Variants in PRMT3 observed in about 807,000 individuals in gnomAD.
PRMT3 encodes protein arginine methyltransferase 3.
Under a neutral mutation model 71.9 loss-of-function variants are expected in PRMT3, and 62 were observed. The ratio of observed to expected loss-of-function variants is 0.86; its 90% CI spans 0.70 to 1.07. The LOEUF (loss-of-function observed/expected upper bound fraction) is 1.07. Ranked by LOEUF, PRMT3 falls within the 50% of genes least tolerant of loss-of-function variation. The probability of loss-of-function intolerance (pLI) is 0.00; values close to 1 mark genes in which losing one functional copy is unlikely to be tolerated. For missense variants in PRMT3, 663 were observed against 643.0 expected (o/e 1.03, Z -0.34); for synonymous variants, 213 against 220.4 (o/e 0.97, Z 0.30).
chr11:20,401,629 T>C (rs7950585), intron 7 of PRMT3, among the ~76,000 whole-genome samples: 124,716 of 152,042 alleles, frequency 0.82, 53,077 homozygotes, highest in Non-Finnish European at 0.95. Context: ...TGTAATATGT[T>C]CTTTTCACCC....
chr11:20,474,314 G>T (rs530706318), intron 13 of PRMT3, among the ~76,000 whole-genome samples: 3 of 152,348 alleles, frequency 2.0e-5, no homozygotes, highest in South Asian at 2.1e-4. Flanking sequence ...TGCAGAGATG[G>T]CAGCCGCCCC....
intron 13 of PRMT3, 111 bp downstream of exon 13, chr11:20,464,657 A>G: frequency 6.7e-7 from 1 of 1,487,782 alleles, no homozygotes; most frequent in Non-Finnish European, 8.9e-7. Context: ...ATTGCCTCTG[A>G]CAGTCTACCA....
At chr11:20,501,425 C>T (rs893384189) in intron 15 of PRMT3, among the ~76,000 whole-genome samples, 1 of 152,032 alleles carries the variant, frequency 6.6e-6, no homozygotes, top group Non-Finnish European at 1.5e-5. Context: ...TTTGGATGGC[C>T]AATTTTGCCA....
intron 11 of PRMT3, 105 bp from the exon 12 acceptor site, chr11:20,461,875 G>A: frequency 3.0e-6 from 3 of 1,000,822 alleles, no homozygotes; most frequent in Non-Finnish European, 2.8e-6. Context: ...CCCATTGCTA[G>A]TAATCCTTAC....
intron 10 of PRMT3, among the ~76,000 whole-genome samples, chr11:20,434,284 CA>C (rs1321077416): frequency 7.9e-5 from 12 of 152,156 alleles, no homozygotes; most frequent in African/African-American, 2.9e-4. Flanking sequence ...AGACCTTTGT[CA>C]GATGCATAGT....
intron 3 of PRMT3, among the ~76,000 whole-genome samples, chr11:20,390,634 C>A (rs11603462): frequency 0.26 from 39,775 of 152,132 alleles, 5,383 homozygotes; most frequent in South Asian, 0.36. Context: ...ACTTGCCTTA[C>A]AATTAAGGCC....
intron 9 of PRMT3, 128 bp from the exon 10 acceptor site, chr11:20,426,638 C>A (rs1008194706): frequency 1.7e-5 from 17 of 1,018,220 alleles, no homozygotes; most frequent in Non-Finnish European, 1.8e-5. Context: ...GTCCAAAGAA[C>A]AACTAAGCTT....
chr11:20,464,889 T>A (rs1468323585), intron 13 of PRMT3, among the ~76,000 whole-genome samples: 1 of 152,194 alleles, frequency 6.6e-6, no homozygotes, highest in Non-Finnish European at 1.5e-5. Flanking sequence ...TACATTTAAT[T>A]TAGATGGAAG....
intron 15 of PRMT3, among the ~76,000 whole-genome samples, chr11:20,500,254 T>C (rs917499676): frequency 2.0e-5 from 3 of 152,162 alleles, no homozygotes; most frequent in African/African-American, 4.8e-5. Flanking sequence ...TCAGAGAAAT[T>C]AAAGAAAACT....
chr11:20,449,040 T>G (rs1850091605), intron 10 of PRMT3, among the ~76,000 whole-genome samples: 1 of 152,196 alleles, frequency 6.6e-6, no homozygotes, highest in South Asian at 2.1e-4. Flanking sequence ...CCAAGGACAA[T>G]TCCCAGGAAT....
intron 12 of PRMT3, among the ~76,000 whole-genome samples, chr11:20,463,018 AC>A (rs2133403284): frequency 6.6e-6 from 1 of 152,152 alleles, no homozygotes; most frequent in East Asian, 1.9e-4. Context: ...GGCATGCACC[AC>A]CATGCCTGGC....
intron 7 of PRMT3, among the ~76,000 whole-genome samples, chr11:20,401,127 T>C (rs1374759683): frequency 6.6e-6 from 1 of 152,152 alleles, no homozygotes; most frequent in Non-Finnish European, 1.5e-5. Flanking sequence ...GATTGTAGTT[T>C]AGTTGAGCAG....
At chr11:20,445,414 G>A (rs2133378676) in intron 10 of PRMT3, among the ~76,000 whole-genome samples, 1 of 152,034 alleles carries the variant, frequency 6.6e-6, no homozygotes, top group East Asian at 1.9e-4. Context: ...TTGTCTAATT[G>A]TGTACTGTTC....
Position 20,477,802 on chromosome 11 carries a change from ACC to A in PRMT3, c.1347+13267_1347+13268del, listed in dbSNP as rs147395508. On this transcript the variant is annotated intron_variant, in intron 13 of 15. Coordinates refer to ENST00000331079, the MANE Select transcript of PRMT3 (RefSeq NM_005788.4). ...CACAGAAGGTTTTGGCTTAGGAGAA[ACC>A]CCCCCCCCCCACTTCCTGTTTTGCA... Among the ~76,000 whole-genome samples the A allele has an allele frequency of 7.1e-3, 822 of 116,450 alleles. 9 individuals carry two copies. The highest frequency in any genetic ancestry group is 0.029 in the East Asian group (100 of 3,470). The allele number at this position is 116,450 out of a possible 152,430, so 76.4% of individuals were successfully genotyped here. A position where few individuals can be genotyped will look rare whatever the true frequency, so the allele number is the denominator to read the frequency against.
chr11:20,395,860 G>T lies in PRMT3; in HGVS notation c.458G>T (p.Ser153Ile), dbSNP rs554343735. The T allele has an allele frequency of 7.4e-6, 12 of 1,614,118 alleles. No individual in the cohort carries two copies. The South Asian group carries it at 1.2e-4, about 16-fold the overall frequency. Residue 153 changes from serine to isoleucine, a missense_variant, in exon 6 of 16, where the codon AGT becomes ATT. Ser to Ile is a moderately radical substitution (Grantham distance 142). Transcript: ENST00000331079. ...SVPFSYPNGL[S>I]ENTSVVEKLK... ...CCCTTCTCATACCCCAATGGACTCA[G>T]TGAAAATACATCTGTTGTTGAAAAA...
chr11:20,476,071 G>A (rs925417063), intron 13 of PRMT3, among the ~76,000 whole-genome samples: 13 of 151,812 alleles, frequency 8.6e-5, no homozygotes, highest in African/African-American at 2.2e-4. Flanking sequence ...AAAACATGGC[G>A]GGGCACAGTG....
At chr11:20,411,258 T>C (rs915221901) in intron 9 of PRMT3, among the ~76,000 whole-genome samples, 5 of 152,080 alleles carry the variant, frequency 3.3e-5, no homozygotes, top group South Asian at 4.1e-4. Context: ...TCTGTAATCA[T>C]TGACTCAAAA....
chr11:20,398,164 A>G (rs1246901623), intron 7 of PRMT3, among the ~76,000 whole-genome samples: 1 of 152,176 alleles, frequency 6.6e-6, no homozygotes, highest in Non-Finnish European at 1.5e-5. Flanking sequence ...AAATAGGAAC[A>G]ATTAGATGGA....
chr11:20,436,157 A>AT (rs1478864706), intron 10 of PRMT3, among the ~76,000 whole-genome samples: 1 of 152,080 alleles, frequency 6.6e-6, no homozygotes, highest in Non-Finnish European at 1.5e-5. Flanking sequence ...TTGAATATTG[A>AT]TTTTGTATCA....
Sources: gnomAD v4.1 joint callset for allele counts (sites outside exome capture counted in the v4.1 genomes callset) on GRCh38, gnomAD v4.1.1 for gene constraint, MANE v1.5 for transcripts, NCBI Gene and HGNC (gene_info 2026-07-23, HGNC 2026-07-21) for gene names.